The following GOLIM4 variants were observed in gnomAD, a reference collection of about 807,000 sequenced individuals.
The protein encoded by GOLIM4 is 130 kDa golgi-localized phosphoprotein.
In GOLIM4, 71 loss-of-function variants were observed where a neutral mutation model predicts 107.4. The observed-to-expected ratio is 0.66, with a 90% CI of 0.55 to 0.81. GOLIM4 has a LOEUF of 0.81. Ranked by LOEUF, GOLIM4 falls within the 30% of genes least tolerant of loss-of-function variation. The pLI is 0.00. For missense variants in GOLIM4, 830 were observed against 826.1 expected (o/e 1.00, Z -0.06); for synonymous variants, 327 against 294.8 (o/e 1.11, Z -1.12).
At chr3:168,081,589 C>T (rs765132443) in intron 1 of GOLIM4, among the ~76,000 whole-genome samples, 2 of 152,052 alleles carry the variant, frequency 1.3e-5, no homozygotes, top group Non-Finnish European at 2.9e-5. Context: ...AGTAAGAGCC[C>T]GGAGTTAGGA....
chr3:168,041,489 GAAGGATCACACATA>G lies in GOLIM4; in HGVS notation c.518-29_518-16del. The stretch of plus-strand genomic sequence containing the variant: ...GTATACAGTCTCTATTTTAGAAAAA[GAAGGATCACACATA>G]AAGCCTTGAAACTTTCAGGATTCTG... On this transcript the variant is annotated splice_polypyrimidine_tract_variant and intron_variant, in intron 5 of 15. Transcript: ENST00000470487. 1 of 1,272,068 alleles carries G rather than the reference GAAGGATCACACATA, an allele frequency of 7.9e-7. No individual in the cohort carries two copies. The highest frequency in any genetic ancestry group is 1.1e-6 in the Non-Finnish European group (1 of 875,174). 78.8% of individuals were successfully genotyped at this position (1,272,068 alleles called of 1,614,324 possible).
At chr3:168,013,833 C>G (rs1457555657) in intron 14 of GOLIM4, among the ~76,000 whole-genome samples, 46 of 151,260 alleles carry the variant, frequency 3.0e-4, no homozygotes, top group Admixed American at 4.6e-4. Context: ...GATGTTCTTT[C>G]AAACCAACGA....
At chr3:168,035,159 T>A (rs1313535763) in intron 8 of GOLIM4, among the ~76,000 whole-genome samples, 1 of 152,024 alleles carries the variant, frequency 6.6e-6, no homozygotes, top group East Asian at 1.9e-4. Context: ...AAATAACAGA[T>A]TCTGGCGAGG....
chr3:168,064,660 C>T (rs1720449414), intron 1 of GOLIM4, among the ~76,000 whole-genome samples: 1 of 149,698 alleles, frequency 6.7e-6, no homozygotes, highest in Non-Finnish European at 1.5e-5. Context: ...TGGTCTCAAA[C>T]TCCTGGCCTG....
intron 1 of GOLIM4, among the ~76,000 whole-genome samples, chr3:168,083,727 T>C (rs1443922973): frequency 6.6e-6 from 1 of 152,206 alleles, no homozygotes; most frequent in Non-Finnish European, 1.5e-5. Flanking sequence ...ACTTTGGGAA[T>C]AATGATGTTG....
chr3:168,029,386 G>A, intron 10 of GOLIM4, 84 bp from the exon 11 acceptor site: 6 of 825,406 alleles, frequency 7.3e-6, no homozygotes, highest in Admixed American at 2.4e-5. Context: ...TTTAAAGACA[G>A]TAATAAGTAA....
At chr3:168,010,515 GAGGAAAAAAA>G (rs1716942361) in intron 15 of GOLIM4, 97 bp from the exon 16 acceptor site, 2 of 933,284 alleles carry the variant, frequency 2.1e-6, no homozygotes, top group East Asian at 5.1e-5. Flanking sequence ...CTCATTTTTG[GAGGAAAAAAA>G]AGGAAGAAAA....
Position 168,095,292 on chromosome 3 carries a change from G to T in GOLIM4, c.-7C>A, listed in dbSNP as rs753943279. ...AGCACATCCCGTTTCCCATAGTCCC[G>T]CCTGGACCCAAAGCCGCGGCCGCCC... is the stretch of plus-strand genomic sequence containing the variant. On this transcript the variant is annotated 5_prime_UTR_variant, in exon 1 of 16. Coordinates refer to ENST00000470487, the MANE Select transcript of GOLIM4 (RefSeq NM_014498.5). The T allele has an allele frequency of 1.9e-6, 3 of 1,610,226 alleles. No homozygotes were observed. Among genetic ancestry groups the T allele is most frequent in the African/African-American group, 2.7e-5 (2 of 74,832 alleles).
intron 1 of GOLIM4, among the ~76,000 whole-genome samples, chr3:168,066,035 A>G (rs1439169134): frequency 6.6e-6 from 1 of 152,220 alleles, no homozygotes; most frequent in African/African-American, 2.4e-5. Flanking sequence ...ATCTTAGAAC[A>G]TAATAGTGAT....
chr3:168,040,596 G>A (rs1054294348), intron 7 of GOLIM4, among the ~76,000 whole-genome samples, 190 bp downstream of exon 7: 2 of 152,154 alleles, frequency 1.3e-5, no homozygotes, highest in East Asian at 1.9e-4. Flanking sequence ...CACAACCAGT[G>A]CAAAAAATAA....
intron 5 of GOLIM4, 43 bp from the exon 6 acceptor site, chr3:168,041,517 T>G: frequency 1.1e-6 from 1 of 926,006 alleles, no homozygotes; most frequent in Non-Finnish European, 1.7e-6. Flanking sequence ...CCTTGAAACT[T>G]TCAGGATTCT....
chr3:168,045,750 C>T (rs987811451), intron 3 of GOLIM4, among the ~76,000 whole-genome samples: 1 of 152,058 alleles, frequency 6.6e-6, no homozygotes, highest in Non-Finnish European at 1.5e-5. Flanking sequence ...AAATGAACTG[C>T]ATTTTTGCTT....
intron 1 of GOLIM4, among the ~76,000 whole-genome samples, chr3:168,094,185 A>T (rs539406917): frequency 2.6e-5 from 4 of 152,376 alleles, no homozygotes; most frequent in Admixed American, 6.5e-5. Context: ...TTTACGTTAA[A>T]AGTAAATTCA....
intron 1 of GOLIM4, among the ~76,000 whole-genome samples, chr3:168,083,172 CA>C (rs1721456822): frequency 1.3e-5 from 2 of 152,066 alleles, no homozygotes; most frequent in South Asian, 4.1e-4. Context: ...TCATATATTG[CA>C]ATTTTTAAAT....
intron 13 of GOLIM4, 102 bp from the exon 14 acceptor site, chr3:168,024,696 C>T (rs1326535680): frequency 6.0e-6 from 6 of 996,616 alleles, no homozygotes; most frequent in Non-Finnish European, 9.5e-6. Context: ...GAAAAGGGCA[C>T]TTTCAAAGCG....
intron 1 of GOLIM4, among the ~76,000 whole-genome samples, chr3:168,083,032 A>C (rs961351396): frequency 1.6e-4 from 24 of 152,218 alleles, no homozygotes; most frequent in African/African-American, 5.8e-4. Flanking sequence ...TGTAATAACT[A>C]AACTATGTTT....
At chr3:168,036,195 A>G (rs1034465331) in intron 8 of GOLIM4, among the ~76,000 whole-genome samples, 1 of 152,218 alleles carries the variant, frequency 6.6e-6, no homozygotes, top group Non-Finnish European at 1.5e-5. Context: ...AACTCCTTGA[A>G]GACAAATAAA....
At chr3:168,080,720 C>A (rs1721317928) in intron 1 of GOLIM4, among the ~76,000 whole-genome samples, 1 of 152,210 alleles carries the variant, frequency 6.6e-6, no homozygotes, top group Non-Finnish European at 1.5e-5. Flanking sequence ...AAGTCACTCA[C>A]CTGACACAGA....
chr3:168,046,424 T>C (rs1577536444), intron 3 of GOLIM4, among the ~76,000 whole-genome samples: 1 of 152,064 alleles, frequency 6.6e-6, no homozygotes, highest in Non-Finnish European at 1.5e-5. Flanking sequence ...AGGTCTCTGG[T>C]TTTCCTAGGC....
Sources: allele counts gnomAD v4.1 joint callset (sites outside exome capture counted in the v4.1 genomes callset), GRCh38; gene constraint gnomAD v4.1.1; transcripts MANE v1.5; gene names NCBI Gene and HGNC (gene_info 2026-07-23, HGNC 2026-07-21).